The following DOCK10 variants were observed in gnomAD, a reference collection of about 807,000 sequenced individuals.
DOCK10 encodes the protein dedicator of cytokinesis 10, also known as dedicator of cytokinesis protein 10.
DOCK10 carries 145 observed loss-of-function variants against 280.1 expected under a neutral mutation model. The ratio of observed to expected loss-of-function variants is 0.52; its 90% CI spans 0.45 to 0.59. The LOEUF (loss-of-function observed/expected upper bound fraction) is 0.59, where lower values mean the gene tolerates loss of function less well. Ranked by LOEUF, DOCK10 falls within the 20% of genes least tolerant of loss-of-function variation. The pLI, the probability that DOCK10 is intolerant of heterozygous loss-of-function variation, is 0.00. For synonymous variants in DOCK10, 915 were observed against 942.2 expected, an observed-to-expected ratio of 0.97 and a Z score of 0.53; for missense variants, 2,368 against 2,651.7, an observed-to-expected ratio of 0.89 and a Z score of 2.35.
intron 6 of DOCK10, 51 bp downstream of exon 6, chr2:224,886,012 G>T: frequency 6.2e-7 from 1 of 1,610,142 alleles, no homozygotes; most frequent in South Asian, 1.1e-5. Flanking sequence ...CCAGAGGAGG[G>T]AGTGTTAAGA....
intron 5 of DOCK10, 130 bp from the exon 6 acceptor site, chr2:224,886,315 A>T: frequency 6.7e-7 from 1 of 1,494,412 alleles, no homozygotes; most frequent in Non-Finnish European, 9.1e-7. Context: ...TTTCAAAACA[A>T]ACGTGACTCA....
chr2:224,819,364 T>C, intron 29 of DOCK10, 82 bp downstream of exon 29: 1 of 888,494 alleles, frequency 1.1e-6, no homozygotes, highest in Non-Finnish European at 1.7e-6. Context: ...AGAATGGACT[T>C]AAGCAGGTAT....
chr2:224,827,836 G>A (rs761425702), intron 27 of DOCK10, among the ~76,000 whole-genome samples: 35 of 152,158 alleles, frequency 2.3e-4, no homozygotes, highest in Non-Finnish European at 5.0e-4. Context: ...GATGATTAAA[G>A]GTCCAGCAAG....
chr2:224,915,247 T>A (rs1235843034), intron 3 of DOCK10, among the ~76,000 whole-genome samples: 2 of 152,200 alleles, frequency 1.3e-5, no homozygotes, highest in Non-Finnish European at 2.9e-5. Flanking sequence ...TTTGCCAACT[T>A]TTTTAAAGAA....
At chr2:224,863,442 T>C (rs769947446) in intron 13 of DOCK10, among the ~76,000 whole-genome samples, 8 of 152,144 alleles carry the variant, frequency 5.3e-5, no homozygotes, top group Non-Finnish European at 1.2e-4. Flanking sequence ...AGACTTTTAA[T>C]ATTTCTTTTC....
At chr2:224,974,295 T>C (rs1224708200) in intron 1 of DOCK10, among the ~76,000 whole-genome samples, 2 of 152,146 alleles carry the variant, frequency 1.3e-5, no homozygotes, top group Admixed American at 1.3e-4. Context: ...TCTTAAAAAC[T>C]AAAATACGTT....
At chr2:224,964,253 C>T (rs1402755360) in intron 1 of DOCK10, among the ~76,000 whole-genome samples, 1 of 152,070 alleles carries the variant, frequency 6.6e-6, no homozygotes, top group African/African-American at 2.4e-5. Context: ...ATAAGGGATA[C>T]TTGATGATTG....
intron 1 of DOCK10, among the ~76,000 whole-genome samples, chr2:225,013,153 G>C (rs951380650): frequency 6.6e-6 from 1 of 152,164 alleles, no homozygotes; most frequent in African/African-American, 2.4e-5. Context: ...AGTGAGTCCT[G>C]ATTAGTCCTT....
chr2:224,899,686 G>T (rs1394931594), intron 3 of DOCK10, among the ~76,000 whole-genome samples: 6 of 151,876 alleles, frequency 4.0e-5, no homozygotes, highest in African/African-American at 1.4e-4. Flanking sequence ...TCCAATTTTG[G>T]GATATTATAG....
At chr2:224,879,763 TA>T (rs996392215) in intron 7 of DOCK10, among the ~76,000 whole-genome samples, 36 of 142,728 alleles carry the variant, frequency 2.5e-4, no homozygotes, top group African/African-American at 6.4e-4. Context: ...TGTCTCAAAA[TA>T]AAAAAAAAAA....
chr2:225,011,702 G>A (rs1022708016), intron 1 of DOCK10, among the ~76,000 whole-genome samples: 4 of 152,200 alleles, frequency 2.6e-5, no homozygotes, highest in African/African-American at 9.7e-5. Context: ...AAAGGAAGAC[G>A]TTGGGGCTTG....
intron 1 of DOCK10, among the ~76,000 whole-genome samples, chr2:224,991,634 G>A (rs1706128676): frequency 6.6e-6 from 1 of 152,074 alleles, no homozygotes; most frequent in African/African-American, 2.4e-5. Context: ...GGGAGAGGTG[G>A]GACAGAAAGT....
chr2:224,904,439 G>A (rs559810434), intron 3 of DOCK10, among the ~76,000 whole-genome samples: 1 of 152,162 alleles, frequency 6.6e-6, no homozygotes, highest in Admixed American at 6.5e-5. Flanking sequence ...TTGAAGCAAC[G>A]TTTGTGGTTT....
intron 16 of DOCK10, among the ~76,000 whole-genome samples, chr2:224,853,456 C>A (rs1696889446): frequency 1.3e-5 from 2 of 152,256 alleles, no homozygotes; most frequent in Non-Finnish European, 2.9e-5. Flanking sequence ...AAGAAATAAT[C>A]CACCAATCTT....
At chr2:224,841,345 T>A (rs1036756433) in intron 23 of DOCK10, among the ~76,000 whole-genome samples, 1 of 152,216 alleles carries the variant, frequency 6.6e-6, no homozygotes, top group Non-Finnish European at 1.5e-5. Flanking sequence ...AACATCATAC[T>A]GTATACAATA....
At position 224,806,256 on chromosome 2, in the gene DOCK10, A is replaced by G. The variant is rs749604874; in HGVS notation, c.3703-19T>C. 1.4e-6 allele frequency: 2 copies of G among 1,429,746 alleles called. No homozygotes were observed. The highest frequency in any genetic ancestry group is 9.7e-7 in the Non-Finnish European group (1 of 1,031,512). The allele number at this position is 1,429,746 out of a possible 1,614,324, so 88.6% of individuals were successfully genotyped here. On this transcript the variant is annotated intron_variant, in intron 33 of 55. Transcript: ENST00000258390. ...TAGACCCCTGTATTCAAAGTATAGTAAAGATTAATGGGAATCATGGCATTT... is the reference window on the plus strand; with the variant it reads ...TAGACCCCTGTATTCAAAGTATAGTGAAGATTAATGGGAATCATGGCATTT...
At chr2:224,844,133 T>A (rs750271916) in intron 22 of DOCK10, among the ~76,000 whole-genome samples, 16 of 152,164 alleles carry the variant, frequency 1.1e-4, no homozygotes, top group Non-Finnish European at 1.6e-4. Context: ...TCTTTATTTT[T>A]TTATTATTAT....
intron 2 of DOCK10, among the ~76,000 whole-genome samples, chr2:224,921,112 A>ATAT (rs1553613961): frequency 3.3e-4 from 18 of 54,406 alleles, no homozygotes; most frequent in South Asian, 6.4e-4. Flanking sequence ...AAAAAAAAAA[A>ATAT]ATATATATAT....
chr2:224,825,059 A>G (rs1298783638), intron 27 of DOCK10, among the ~76,000 whole-genome samples: 1 of 149,382 alleles, frequency 6.7e-6, no homozygotes, highest in African/African-American at 2.5e-5. Flanking sequence ...AGATCACTGC[A>G]ACCTCCGCCT....
Sources: gnomAD v4.1 joint callset for allele counts (sites outside exome capture counted in the v4.1 genomes callset) on GRCh38, gnomAD v4.1.1 for gene constraint, MANE v1.5 for transcripts, NCBI Gene and HGNC (gene_info 2026-07-23, HGNC 2026-07-21) for gene names.